Variants in DPYD observed in about 807,000 individuals in gnomAD.
DPYD encodes the protein dihydropyrimidine dehydrogenase, also known as dihydropyrimidine dehydrogenase [NADP(+)].
DPYD carries 109 observed loss-of-function variants against 116.2 expected under a neutral mutation model. The ratio of observed to expected loss-of-function variants is 0.94; its 90% CI spans 0.80 to 1.10. The LOEUF (loss-of-function observed/expected upper bound fraction) is 1.10, where lower values mean the gene tolerates loss of function less well. Among genes scored for constraint, DPYD ranks in the 50% least tolerant of loss-of-function variants. The pLI, the probability that DPYD is intolerant of heterozygous loss-of-function variation, is 0.00. For synonymous variants in DPYD, 440 were observed against 432.0 expected (o/e 1.02, Z -0.23); for missense variants, 1,302 against 1,254.5 (o/e 1.04, Z -0.57).
At chr1:97,729,077 C>T (rs752651768) in intron 4 of DPYD, among the ~76,000 whole-genome samples, 4 of 152,046 alleles carry the variant, frequency 2.6e-5, no homozygotes, top group African/African-American at 7.2e-5. Context: ...TAGAACTACA[C>T]ATTTGGTTCA....
chr1:97,911,106 A>T (rs1673910633), intron 1 of DPYD, among the ~76,000 whole-genome samples: 1 of 152,108 alleles, frequency 6.6e-6, no homozygotes, highest in Non-Finnish European at 1.5e-5. Context: ...TTGAAAGGGT[A>T]TCATTTTATA....
chr1:97,281,204 A>G (rs1477909455), intron 18 of DPYD, among the ~76,000 whole-genome samples: 1 of 152,156 alleles, frequency 6.6e-6, no homozygotes, highest in East Asian at 1.9e-4. Context: ...GACTAAAAGA[A>G]AGAATGGAGA....
At chr1:97,531,436 G>A (rs1299617387) in intron 12 of DPYD, among the ~76,000 whole-genome samples, 2 of 152,122 alleles carry the variant, frequency 1.3e-5, no homozygotes, top group African/African-American at 4.8e-5. Context: ...ATGTTGTATA[G>A]TTGACTGTAC....
chr1:97,749,644 C>T (rs940406655), intron 3 of DPYD, among the ~76,000 whole-genome samples: 34 of 152,242 alleles, frequency 2.2e-4, no homozygotes, highest in South Asian at 1.9e-3. Context: ...TTAGTTAACA[C>T]GTAGCCATAT....
chr1:97,170,206 G>A (rs1656623195), intron 20 of DPYD, among the ~76,000 whole-genome samples: 1 of 152,158 alleles, frequency 6.6e-6, no homozygotes, highest in Non-Finnish European at 1.5e-5. Context: ...CTTGAGTAAG[G>A]ACTGTATGAA....
chr1:97,379,875 T>C (rs1671846794), intron 15 of DPYD, among the ~76,000 whole-genome samples: 1 of 152,202 alleles, frequency 6.6e-6, no homozygotes, highest in African/African-American at 2.4e-5. Context: ...GATTCTATCA[T>C]CTTGTGAAAT....
intron 18 of DPYD, among the ~76,000 whole-genome samples, chr1:97,246,140 T>A (rs1269009828): frequency 6.6e-6 from 1 of 152,144 alleles, no homozygotes; most frequent in Non-Finnish European, 1.5e-5. Context: ...AAAAGAGAGA[T>A]CCTACTGTTT....
chr1:97,289,857 G>A (rs1458741645), intron 18 of DPYD, among the ~76,000 whole-genome samples: 1 of 150,596 alleles, frequency 6.6e-6, no homozygotes, highest in Non-Finnish European at 1.5e-5. Context: ...GCAGGAGAAT[G>A]AAATAAAGGG....
intron 2 of DPYD, among the ~76,000 whole-genome samples, chr1:97,831,441 C>T (rs1215675379): frequency 2.0e-5 from 3 of 152,140 alleles, no homozygotes; most frequent in Non-Finnish European, 4.4e-5. Flanking sequence ...TTTATATGAA[C>T]ATGGATCTGA....
intron 3 of DPYD, among the ~76,000 whole-genome samples, chr1:97,813,389 T>A (rs1264010156): frequency 6.6e-6 from 1 of 152,020 alleles, no homozygotes; most frequent in Non-Finnish European, 1.5e-5. Context: ...AGAAATGAAA[T>A]ATGAAGAAAA....
At chr1:97,821,578 C>T (rs780466873) in intron 3 of DPYD, among the ~76,000 whole-genome samples, 1 of 152,058 alleles carries the variant, frequency 6.6e-6, no homozygotes, top group African/African-American at 2.4e-5. Context: ...AGAGATGATG[C>T]ACTTTTTTCC....
intron 20 of DPYD, among the ~76,000 whole-genome samples, chr1:97,141,509 T>C (rs1654220977): frequency 6.6e-6 from 1 of 152,124 alleles, no homozygotes; most frequent in Admixed American, 6.6e-5. Flanking sequence ...CATATGAGAC[T>C]TTCTCTAAAA....
At chr1:97,589,012 A>G (rs1207773501) in intron 10 of DPYD, among the ~76,000 whole-genome samples, 2 of 152,140 alleles carry the variant, frequency 1.3e-5, no homozygotes, top group African/African-American at 2.4e-5. Context: ...TAAAAATGCA[A>G]ATTCTCAGAC....
At chr1:97,296,630 C>A (rs910417728) in intron 18 of DPYD, among the ~76,000 whole-genome samples, 6 of 151,688 alleles carry the variant, frequency 4.0e-5, no homozygotes, top group African/African-American at 1.5e-4. Flanking sequence ...TCTAACAATA[C>A]AGGAAATCAT....
At position 97,599,821 on chromosome 1, in the gene DPYD, C is replaced by T. The variant is rs1228065050; in HGVS notation, c.851-4655G>A. On this transcript the variant is annotated intron_variant, in intron 8 of 22. Transcript: ENST00000370192. ...GGTGGATCACTTGAGGTCAGGAATT[C>T]GAGATCAGCCTGACCAACATGACAA... 6.3e-5 allele frequency among the ~76,000 whole-genome samples: 7 copies of T among 111,010 alleles called. No homozygotes were observed. In the East Asian group the frequency reaches 9.3e-4, roughly 15 times the overall value. The allele number at this position is 111,010 out of a possible 152,430, so 72.8% of individuals were successfully genotyped here.
chr1:97,866,754 T>C (rs1355788433), intron 2 of DPYD, among the ~76,000 whole-genome samples: 1 of 151,936 alleles, frequency 6.6e-6, no homozygotes, highest in Non-Finnish European at 1.5e-5. Flanking sequence ...TGTTGCGTGT[T>C]AGGAAAATTC....
intron 1 of DPYD, among the ~76,000 whole-genome samples, chr1:97,901,806 T>C (rs1380658833): frequency 6.6e-6 from 1 of 151,800 alleles, no homozygotes; most frequent in Admixed American, 6.6e-5. Flanking sequence ...ACACATCTTG[T>C]CTAAAAAGCT....
At position 97,472,385 on chromosome 1, in the gene DPYD, C is replaced by T. The variant is rs149716507; in HGVS notation, c.1741-22162G>A. On this transcript the variant is annotated intron_variant, in intron 13 of 22. Coordinates refer to ENST00000370192, the MANE Select transcript of DPYD (RefSeq NM_000110.4). ...ACACCTTCATCTCCCCTATGCACATCACTTTTGATAGGTTCAGAGGCAACA... is the reference window on the plus strand; with the variant it reads ...ACACCTTCATCTCCCCTATGCACATTACTTTTGATAGGTTCAGAGGCAACA... Among the ~76,000 whole-genome samples, 107 of 152,320 alleles carry T rather than the reference C, an allele frequency of 7.0e-4. No individual in the cohort carries two copies. In the East Asian group the frequency reaches 0.012, roughly 17 times the overall value.
At chr1:97,772,679 A>C (rs1277447132) in intron 3 of DPYD, among the ~76,000 whole-genome samples, 2 of 152,210 alleles carry the variant, frequency 1.3e-5, no homozygotes, top group Non-Finnish European at 2.9e-5. Context: ...TCAGTATAGA[A>C]GAATCTCATA....
Sources: gnomAD v4.1 joint callset for allele counts (sites outside exome capture counted in the v4.1 genomes callset) on GRCh38, gnomAD v4.1.1 for gene constraint, MANE v1.5 for transcripts, NCBI Gene and HGNC (gene_info 2026-07-23, HGNC 2026-07-21) for gene names.